The following PPFIA2 variants were observed in gnomAD, a reference collection of about 807,000 sequenced individuals.
PPFIA2 encodes PPFI scaffold protein A2, also known as liprin-alpha-2.
PPFIA2 carries 46 observed loss-of-function variants against 175.5 expected under a neutral mutation model. The ratio of observed to expected loss-of-function variants is 0.26; its 90% CI spans 0.21 to 0.34. PPFIA2 has a LOEUF of 0.34. Ranked by LOEUF, PPFIA2 falls within the 10% of genes least tolerant of loss-of-function variation. PPFIA2 has a pLI of 1.00. For missense variants in PPFIA2, 1,179 were observed against 1,506.1 expected (o/e 0.78, Z 3.60); for synonymous variants, 568 against 511.4 (o/e 1.11, Z -1.49).
intron 22 of PPFIA2, among the ~76,000 whole-genome samples, chr12:81,324,370 C>T (rs1313682021): frequency 6.6e-6 from 1 of 151,936 alleles, no homozygotes; most frequent in Non-Finnish European, 1.5e-5. Context: ...CAATGCACTG[C>T]CTCAATATCA....
intron 4 of PPFIA2, among the ~76,000 whole-genome samples, chr12:81,651,774 T>G (rs753396126): frequency 9.4e-4 from 143 of 152,262 alleles, no homozygotes; most frequent in East Asian, 7.7e-4. Context: ...AAAATTGGAA[T>G]TAAACTCTTG....
intron 11 of PPFIA2, among the ~76,000 whole-genome samples, chr12:81,373,863 T>C (rs1030253165): frequency 1.3e-5 from 2 of 152,050 alleles, no homozygotes. Context: ...AATGATTGTA[T>C]AAAAATATAA....
intron 3 of PPFIA2, among the ~76,000 whole-genome samples, chr12:81,704,811 C>T (rs944539855): frequency 3.3e-5 from 5 of 151,632 alleles, no homozygotes; most frequent in East Asian, 1.9e-4. Flanking sequence ...GGGCTGGGCA[C>T]GGTGGCTCAT....
At chr12:81,370,361 C>T (rs1410629623) in intron 11 of PPFIA2, among the ~76,000 whole-genome samples, 1 of 151,758 alleles carries the variant, frequency 6.6e-6, no homozygotes, top group Admixed American at 6.6e-5. Flanking sequence ...ATCTAATGGC[C>T]TACTCTCAGA....
At chr12:81,445,502 T>A in intron 6 of PPFIA2, 54 bp downstream of exon 6, 1 of 1,542,066 alleles carries the variant, frequency 6.5e-7, no homozygotes, top group Non-Finnish European at 8.8e-7. Context: ...GACAAAGAGC[T>A]TGATGCTGAT....
chr12:81,509,696 TC>T (rs913557854), intron 4 of PPFIA2, among the ~76,000 whole-genome samples: 1 of 151,854 alleles, frequency 6.6e-6, no homozygotes, highest in Non-Finnish European at 1.5e-5. Flanking sequence ...TCACCTCTAC[TC>T]ACTTCTACAA....
intron 21 of PPFIA2, 51 bp downstream of exon 21, chr12:81,339,129 G>A (rs1177948758): frequency 3.6e-5 from 52 of 1,425,270 alleles, no homozygotes; most frequent in Non-Finnish European, 4.9e-5. Context: ...TGGATACTGT[G>A]ACATGACTAA....
At chr12:81,467,427 G>A (rs895910185) in intron 4 of PPFIA2, among the ~76,000 whole-genome samples, 3 of 152,174 alleles carry the variant, frequency 2.0e-5, no homozygotes, top group Admixed American at 6.5e-5. Flanking sequence ...GGTGGCTCAC[G>A]CTTGTAATCC....
intron 4 of PPFIA2, among the ~76,000 whole-genome samples, chr12:81,635,521 C>T (rs911412275): frequency 6.6e-6 from 1 of 152,254 alleles, no homozygotes; most frequent in Non-Finnish European, 1.5e-5. Flanking sequence ...CATGAAATGA[C>T]CTCACACCTG....
intron 3 of PPFIA2, 34 bp from the exon 4 acceptor site, chr12:81,676,878 T>C (rs370032004): frequency 1.4e-6 from 2 of 1,479,222 alleles, no homozygotes; most frequent in South Asian, 1.3e-5. Flanking sequence ...TGTAAAGTGC[T>C]ACTCAACAGC....
chr12:81,479,548 T>C (rs527959679), intron 4 of PPFIA2, among the ~76,000 whole-genome samples: 70 of 152,350 alleles, frequency 4.6e-4, no homozygotes, highest in African/African-American at 1.7e-3. Context: ...GGTATGTTTT[T>C]GCAGTGGCTG....
chr12:81,467,833 C>A (rs1380912437), intron 4 of PPFIA2, among the ~76,000 whole-genome samples: 1 of 152,166 alleles, frequency 6.6e-6, no homozygotes, highest in Non-Finnish European at 1.5e-5. Flanking sequence ...TGACCAGAAT[C>A]CAGGGTTAAA....
intron 8 of PPFIA2, among the ~76,000 whole-genome samples, chr12:81,403,585 G>C (rs1266483868): frequency 6.6e-6 from 1 of 152,120 alleles, no homozygotes; most frequent in Non-Finnish European, 1.5e-5. Flanking sequence ...ATTGAATCTG[G>C]TGATCAGCAG....
chr12:81,372,242 T>C (rs960263238), intron 11 of PPFIA2, among the ~76,000 whole-genome samples: 3 of 151,012 alleles, frequency 2.0e-5, no homozygotes, highest in Non-Finnish European at 4.4e-5. Context: ...TTTGAGAACA[T>C]GAATAACCTC....
chr12:81,375,623 T>G, intron 10 of PPFIA2, 173 bp downstream of exon 10: 3 of 680,088 alleles, frequency 4.4e-6, no homozygotes, highest in Admixed American at 2.8e-5. Context: ...TAATTTATCT[T>G]TCTGGAAAGT....
At chr12:81,552,594 T>A (rs1437618176) in intron 4 of PPFIA2, among the ~76,000 whole-genome samples, 3 of 151,998 alleles carry the variant, frequency 2.0e-5, no homozygotes, top group Non-Finnish European at 2.9e-5. Flanking sequence ...GTTTGAACAA[T>A]ATAATGAAAA....
At chr12:81,543,142 C>T (rs1178239092) in intron 4 of PPFIA2, among the ~76,000 whole-genome samples, 1 of 152,054 alleles carries the variant, frequency 6.6e-6, no homozygotes, top group Non-Finnish European at 1.5e-5. Flanking sequence ...ATACCTAGAG[C>T]CTAGCTGTTG....
chr12:81,422,904 A>G (rs1281644907), intron 7 of PPFIA2, among the ~76,000 whole-genome samples: 3 of 152,128 alleles, frequency 2.0e-5, no homozygotes, highest in African/African-American at 4.8e-5. Context: ...GGTTCCCAAA[A>G]TTAATAAATT....
chr12:81,408,226 A>G (rs1007372609), intron 7 of PPFIA2, among the ~76,000 whole-genome samples: 7 of 152,172 alleles, frequency 4.6e-5, no homozygotes, highest in Non-Finnish European at 7.4e-5. Context: ...TATCATTTTT[A>G]TATTACACTC....
Sources: allele counts gnomAD v4.1 joint callset (sites outside exome capture counted in the v4.1 genomes callset), GRCh38; gene constraint gnomAD v4.1.1; transcripts MANE v1.5; gene names NCBI Gene and HGNC (gene_info 2026-07-23, HGNC 2026-07-21).